Variants in PTPRD observed in about 807,000 individuals in gnomAD.
The protein encoded by PTPRD is receptor-type tyrosine-protein phosphatase delta.
Under a neutral mutation model 214.5 loss-of-function variants are expected in PTPRD, and 34 were observed. The ratio of observed to expected loss-of-function variants is 0.16; its 90% CI spans 0.12 to 0.21. PTPRD has a LOEUF of 0.21. Ranked by LOEUF, PTPRD falls within the 10% of genes least tolerant of loss-of-function variation. The pLI is 1.00. For missense variants in PTPRD, 2,545 were observed against 2,398.7 expected (o/e 1.06, Z -1.27); for synonymous variants, 1,128 against 845.7 (o/e 1.33, Z -5.79).
intron 10 of PTPRD, chr9:9,091,223 G>A (rs1341016739): frequency 1.5e-5 from 20 of 1,364,292 alleles, no homozygotes; most frequent in Non-Finnish European, 1.9e-5. Context: ...GCTGCCCCAC[G>A]TCCCCCACCA....
intron 14 of PTPRD, among the ~76,000 whole-genome samples, chr9:8,628,066 G>T (rs970703856): frequency 1.3e-5 from 2 of 151,846 alleles, no homozygotes; most frequent in East Asian, 3.9e-4. Context: ...CCTTCCTTTT[G>T]TTTCAGTCTT....
At position 9,934,194 on chromosome 9, in the gene PTPRD, C is replaced by T. The variant is rs972321581; in HGVS notation, c.-368+4313G>A. On this transcript the variant is annotated intron_variant, in intron 5 of 45. Coordinates refer to ENST00000381196, the MANE Select transcript of PTPRD (RefSeq NM_002839.4). ...CTAGAAAAGCAAGAGCAAACACATT[C>T]AAAAGCTAGCAGAAGGCAAGAAATA... Among the ~76,000 whole-genome samples, 11 of 147,738 alleles carry T rather than the reference C, an allele frequency of 7.4e-5. 1 individual carries two copies. The highest frequency in any genetic ancestry group is 2.9e-4 in the African/African-American group (11 of 38,246).
At chr9:9,043,924 T>A (rs1018055045) in intron 10 of PTPRD, among the ~76,000 whole-genome samples, 6 of 87,598 alleles carry the variant, frequency 6.8e-5, no homozygotes, top group Non-Finnish European at 5.0e-5. Flanking sequence ...TAAAATAAAA[T>A]AAAATAAAAT....
At chr9:8,725,448 G>C (rs7042240) in intron 12 of PTPRD, among the ~76,000 whole-genome samples, 14,286 of 152,116 alleles carry the variant, frequency 0.094, 2,071 homozygotes, top group African/African-American at 0.31. Context: ...AGACATGAAT[G>C]AGCCAATCAG....
intron 3 of PTPRD, among the ~76,000 whole-genome samples, chr9:10,175,688 T>C (rs1037995724): frequency 6.6e-6 from 1 of 152,062 alleles, no homozygotes; most frequent in African/African-American, 2.4e-5. Flanking sequence ...TCTTTCCATT[T>C]GATTTAATTT....
chr9:9,674,380 A>C (rs1249773956), intron 7 of PTPRD, among the ~76,000 whole-genome samples: 1 of 151,778 alleles, frequency 6.6e-6, no homozygotes, highest in Non-Finnish European at 1.5e-5. Context: ...TGCAACAATG[A>C]AAGATGGGAA....
At chr9:8,476,037 C>A (rs1384652707) in intron 30 of PTPRD, among the ~76,000 whole-genome samples, 1 of 152,170 alleles carries the variant, frequency 6.6e-6, no homozygotes, top group African/African-American at 2.4e-5. Context: ...AGGATCTTGC[C>A]TGAATCCCTC....
At chr9:9,095,028 T>A (rs1591525448) in intron 10 of PTPRD, among the ~76,000 whole-genome samples, 1 of 152,162 alleles carries the variant, frequency 6.6e-6, no homozygotes, top group South Asian at 2.1e-4. Context: ...ATTTGAAAAA[T>A]CAACCAACAA....
intron 4 of PTPRD, among the ~76,000 whole-genome samples, chr9:9,945,507 A>C (rs1333147461): frequency 6.6e-6 from 1 of 152,168 alleles, no homozygotes; most frequent in African/African-American, 2.4e-5. Context: ...GGGTCCCAGA[A>C]GCCAACCAAA....
chr9:8,407,875 G>C (rs538755964), intron 35 of PTPRD, among the ~76,000 whole-genome samples: 1 of 152,160 alleles, frequency 6.6e-6, no homozygotes, highest in Non-Finnish European at 1.5e-5. Context: ...CATTATTTTT[G>C]GAGCTTGTCA....
chr9:8,701,714 G>A (rs1025713540), intron 12 of PTPRD, among the ~76,000 whole-genome samples: 7 of 152,090 alleles, frequency 4.6e-5, no homozygotes, highest in African/African-American at 1.7e-4. Context: ...ACCCTTGGAT[G>A]CCCAATTCTT....
At chr9:10,473,117 G>A (rs548792438) in intron 2 of PTPRD, among the ~76,000 whole-genome samples, 31 of 152,008 alleles carry the variant, frequency 2.0e-4, no homozygotes, top group African/African-American at 7.2e-4. Context: ...ACTTAAAATT[G>A]GCCGACATAG....
intron 3 of PTPRD, among the ~76,000 whole-genome samples, chr9:10,241,402 C>T (rs1344304696): frequency 6.6e-6 from 1 of 151,888 alleles, no homozygotes; most frequent in Non-Finnish European, 1.5e-5. Flanking sequence ...TGTAAATAAA[C>T]GTTCATAGAA....
At chr9:10,258,832 A>C (rs1301355323) in intron 3 of PTPRD, among the ~76,000 whole-genome samples, 1 of 152,224 alleles carries the variant, frequency 6.6e-6, no homozygotes, top group Non-Finnish European at 1.5e-5. Flanking sequence ...TGAATACACT[A>C]TCGTTTTTAT....
intron 9 of PTPRD, among the ~76,000 whole-genome samples, chr9:9,292,180 C>T (rs1286692112): frequency 2.8e-5 from 2 of 72,476 alleles, no homozygotes; most frequent in Non-Finnish European, 6.2e-5. Context: ...AATGAATGAA[C>T]ACTTTTTTTT....
At chr9:9,177,237 A>G (rs534569146) in intron 10 of PTPRD, among the ~76,000 whole-genome samples, 33 of 152,004 alleles carry the variant, frequency 2.2e-4, no homozygotes, top group Non-Finnish European at 3.8e-4. Context: ...ATCAGATCTC[A>G]TGAGAACTCA....
intron 11 of PTPRD, among the ~76,000 whole-genome samples, chr9:8,891,750 G>C (rs191323509): frequency 1.7e-4 from 26 of 152,234 alleles, no homozygotes; most frequent in Admixed American, 5.9e-4. Flanking sequence ...TAAATGCATT[G>C]AAAACATTTA....
chr9:8,832,971 T>C (rs1171392387), intron 11 of PTPRD, among the ~76,000 whole-genome samples: 2 of 152,130 alleles, frequency 1.3e-5, no homozygotes, highest in Non-Finnish European at 2.9e-5. Flanking sequence ...TAGAAAGCTG[T>C]AACATGAAAG....
At chr9:10,383,516 A>C (rs564004284) in intron 2 of PTPRD, among the ~76,000 whole-genome samples, 1 of 151,788 alleles carries the variant, frequency 6.6e-6, no homozygotes, top group Non-Finnish European at 1.5e-5. Flanking sequence ...GAAAGGAGTA[A>C]GTTTTTGGAA....
Sources: allele counts gnomAD v4.1 joint callset (sites outside exome capture counted in the v4.1 genomes callset), GRCh38; gene constraint gnomAD v4.1.1; transcripts MANE v1.5; gene names NCBI Gene and HGNC (gene_info 2026-07-23, HGNC 2026-07-21).